LYAR: variants seen among roughly 807,000 people sequenced by gnomAD.
LYAR encodes cell growth-regulating nucleolar protein.
A neutral mutation model predicts 45.2 loss-of-function variants in LYAR; 37 were observed. The ratio of observed to expected loss-of-function variants is 0.82; its 90% CI spans 0.63 to 1.08. LYAR has a LOEUF of 1.08. Among genes scored for constraint, LYAR ranks in the 50% least tolerant of loss-of-function variants. The probability of loss-of-function intolerance (pLI) is 0.00; values close to 1 mark genes in which losing one functional copy is unlikely to be tolerated. For synonymous variants in LYAR, 176 were observed against 155.1 expected (o/e 1.14, Z -1.00); for missense variants, 493 against 451.0 (o/e 1.09, Z -0.84).
intron 6 of LYAR, among the ~76,000 whole-genome samples, chr4:4,276,579 G>A (rs1267623593): frequency 1.3e-5 from 2 of 151,280 alleles, no homozygotes; most frequent in Non-Finnish European, 2.9e-5. Context: ...ACTGTAGGCC[G>A]GGTGCGGTGG....
rs143754697 is a variant in LYAR, at chr4:4,270,985, T to A, written c.920-2370A>T. On this transcript the variant is annotated intron_variant, in intron 8 of 9. Coordinates refer to ENST00000343470, the MANE Select transcript of LYAR (RefSeq NM_017816.3). ...TACATCAGAGTAAATGGGGTATCCA[T>A]CACCTCAAGCATTTATCCTTTTGTG... 6.3e-3 allele frequency among the ~76,000 whole-genome samples: 963 copies of A among 152,340 alleles called. 13 individuals carry two copies. The highest frequency in any genetic ancestry group is 0.022 in the African/African-American group (905 of 41,568).
chr4:4,273,626 A>C lies in LYAR; in HGVS notation c.876T>G (p.His292Gln), dbSNP rs1420073831. ...CGTCTTCTGGTTCTCCGCCCTCAGG[A>C]TGCTCTGGGAGCTTCATCTTTTTCT... is the stretch of plus-strand genomic sequence containing the variant. ...SKKKKMKLPE[H>Q]PEGGEPEDDE... is the part of the protein sequence containing the mutation. Residue 292 changes from histidine to glutamine, a missense_variant, in exon 8 of 10, where the codon CAT (histidine) becomes CAG (glutamine). Coordinates refer to ENST00000343470, the MANE Select transcript of LYAR (RefSeq NM_017816.3). 1 of 1,613,506 alleles carries C rather than the reference A, an allele frequency of 6.2e-7. No homozygotes were observed. Among genetic ancestry groups the C allele is most frequent in the Non-Finnish European group, 8.5e-7 (1 of 1,179,664 alleles).
At chr4:4,279,382 A>G (rs1429909951) in intron 6 of LYAR, 65 bp downstream of exon 6, 11 of 1,100,980 alleles carry the variant, frequency 1.0e-5, no homozygotes, top group Non-Finnish European at 1.5e-5. Context: ...AAAATAAGAA[A>G]TTCCCATTTC....
chr4:4,267,936 T>G lies in LYAR; in HGVS notation c.1093A>C (p.Asn365His). 1 of 1,613,308 alleles carries G rather than the reference T, an allele frequency of 6.2e-7. No individual in the cohort carries two copies. The highest frequency in any genetic ancestry group is 8.5e-7 in the Non-Finnish European group (1 of 1,179,736). Residue 365 changes from asparagine (N) to histidine (H), a missense_variant, in exon 10 of 10, where the codon AAC becomes CAC. Physicochemically the swap from Asn to His is moderately conservative, Grantham distance 68. Transcript: ENST00000343470. The stretch of plus-strand genomic sequence containing the variant: ...TCCTTTAATAACTTAAAGGTAGGGT[T>G]CTTGCTGATTTTCTTGTTAAAGATG... ...LVIFNKKISK[N>H]PTFKLLKDKV...
At chr4:4,277,649 C>T (rs2916445) in intron 6 of LYAR, among the ~76,000 whole-genome samples, 42 of 152,358 alleles carry the variant, frequency 2.8e-4, no homozygotes, top group African/African-American at 8.9e-4. Context: ...CCTCTGGCTT[C>T]TTCCCAGTGC....
intron 4 of LYAR, among the ~76,000 whole-genome samples, chr4:4,280,349 T>C (rs1719345457): frequency 6.6e-6 from 1 of 152,192 alleles, no homozygotes; most frequent in African/African-American, 2.4e-5. Context: ...ACCCAAGCAA[T>C]CTACAGATTC....
chr4:4,284,943 A>G (rs1719547688), intron 2 of LYAR, among the ~76,000 whole-genome samples: 1 of 152,186 alleles, frequency 6.6e-6, no homozygotes, highest in Non-Finnish European at 1.5e-5. Flanking sequence ...ATTCCCATGC[A>G]TGAAATCACC....
At chr4:4,282,134 A>T (rs1432375100) in intron 3 of LYAR, among the ~76,000 whole-genome samples, 1 of 152,218 alleles carries the variant, frequency 6.6e-6, no homozygotes, top group Non-Finnish European at 1.5e-5. Context: ...CATTTTTATA[A>T]ACACCTTAAG....
intron 3 of LYAR, among the ~76,000 whole-genome samples, chr4:4,282,716 G>C (rs368077742): frequency 1.3e-5 from 2 of 152,114 alleles, no homozygotes; most frequent in East Asian, 3.9e-4. Context: ...CTGAAGAACC[G>C]GTGTCTAAGG....
At chr4:4,268,236 G>A (rs542877619) in intron 9 of LYAR, among the ~76,000 whole-genome samples, 1 of 152,272 alleles carries the variant, frequency 6.6e-6, no homozygotes, top group South Asian at 2.1e-4. Flanking sequence ...TGAAATAAAG[G>A]AGAAGAAACC....
rs1188800665 is a variant in LYAR, at chr4:4,273,599, A to G, written c.903T>C (p.Asp301=). The G allele has an allele frequency of 1.9e-6, 3 of 1,613,356 alleles. No individual in the cohort carries two copies. Among genetic ancestry groups the G allele is most frequent in the Admixed American group, 3.3e-5 (2 of 59,964 alleles). ...GTGATATACCTTTTGCAGGAGCCTC[A>G]TCGTCTTCTGGTTCTCCGCCCTCAG... ...EHPEGGEPED[D]EAPAKGKFNW... Residue 301 remains aspartate (D), a synonymous_variant, in exon 8 of 10, where the codon GAT becomes GAC. Coordinates refer to ENST00000343470, the MANE Select transcript of LYAR (RefSeq NM_017816.3).
Position 4,283,727 on chromosome 4 carries a change from A to G in LYAR, c.16T>C (p.Cys6Arg), listed in dbSNP as rs1320168968. ...TTCACTGATTCACCACATGCATTGCATGTAAAAAATACCATTTTTAGGTAA... is the reference window on the plus strand; with the variant it reads ...TTCACTGATTCACCACATGCATTGCGTGTAAAAAATACCATTTTTAGGTAA... MVFFT[C>R]NACGESVKKI... Residue 6 changes from cysteine to arginine, a missense_variant, in exon 3 of 10, where the codon TGC (cysteine) becomes CGC (arginine). Physicochemically the swap from Cys to Arg is radical, Grantham distance 180. Transcript: ENST00000343470. 6.2e-7 allele frequency: 1 copy of G among 1,611,372 alleles called. No individual in the cohort carries two copies. The highest frequency in any genetic ancestry group is 2.2e-5 in the East Asian group (1 of 44,870).
chr4:4,273,526 CTA>C (rs1719026753), intron 8 of LYAR, 55 bp downstream of exon 8: 6 of 1,288,146 alleles, frequency 4.7e-6, no homozygotes, highest in Non-Finnish European at 6.7e-6. Flanking sequence ...GTAGCTGGGA[CTA>C]TCAGCGAGAG....
chr4:4,279,384 TC>T, intron 6 of LYAR, 62 bp downstream of exon 6: 1 of 1,108,708 alleles, frequency 9.0e-7, no homozygotes, highest in Non-Finnish European at 1.3e-6. Context: ...AATAAGAAAT[TC>T]CCATTTCATT....
At chr4:4,279,193 C>T (rs1305326144) in intron 6 of LYAR, among the ~76,000 whole-genome samples, 1 of 151,762 alleles carries the variant, frequency 6.6e-6, no homozygotes, top group African/African-American at 2.4e-5. Context: ...ATTAGCTGGG[C>T]ATGATGGCTC....
intron 8 of LYAR, chr4:4,268,981 G>T: frequency 1.2e-5 from 2 of 167,672 alleles, no homozygotes; most frequent in Middle Eastern, 2.8e-3. Flanking sequence ...TGAGAGAGAG[G>T]ACAACCACAA....
At chr4:4,287,002 G>C (rs1719645556) in intron 1 of LYAR, among the ~76,000 whole-genome samples, 1 of 152,176 alleles carries the variant, frequency 6.6e-6, no homozygotes, top group African/African-American at 2.4e-5. Context: ...TTATGCTTCT[G>C]AAATTATGAA....
rs181732308 is a variant in LYAR, at chr4:4,281,737, C to T, written c.237+46G>A. ...TAGTCTCTTGGGCTTCCAAAGAAAGCGGAAGCTGTCAGAGGAAGCTACTCA... is the reference window on the plus strand; with the variant it reads ...TAGTCTCTTGGGCTTCCAAAGAAAGTGGAAGCTGTCAGAGGAAGCTACTCA... On this transcript the variant is annotated intron_variant, in intron 4 of 9. Coordinates refer to ENST00000343470, the MANE Select transcript of LYAR (RefSeq NM_017816.3). 1.1e-3 allele frequency: 1,519 copies of T among 1,395,526 alleles called. 6 individuals carry two copies. The highest frequency in any genetic ancestry group is 1.4e-3 in the Non-Finnish European group (1,407 of 981,452). The allele number at this position is 1,395,526 out of a possible 1,614,324, so 86.4% of individuals were successfully genotyped here. A position where few individuals can be genotyped will look rare whatever the true frequency, so the allele number is the denominator to read the frequency against.
At chr4:4,283,307 C>T (rs1386008424) in intron 3 of LYAR, among the ~76,000 whole-genome samples, 2 of 152,076 alleles carry the variant, frequency 1.3e-5, no homozygotes, top group African/African-American at 2.4e-5. Context: ...CCCACCACCA[C>T]GCCTGACTAA....
Sources: gnomAD v4.1 joint callset for allele counts (sites outside exome capture counted in the v4.1 genomes callset) on GRCh38, gnomAD v4.1.1 for gene constraint, MANE v1.5 for transcripts, NCBI Gene and HGNC (gene_info 2026-07-23, HGNC 2026-07-21) for gene names.